The following CRMP1 variants were observed in gnomAD, a reference collection of about 807,000 sequenced individuals.
CRMP1 encodes dihydropyrimidinase-related protein 1.
In CRMP1, 19 loss-of-function variants were observed where a neutral mutation model predicts 68.3. The observed-to-expected ratio is 0.28, with a 90% confidence interval of 0.19 to 0.41. CRMP1 has a LOEUF of 0.41. Among genes scored for constraint, CRMP1 ranks in the 10% least tolerant of loss-of-function variants. The probability of loss-of-function intolerance (pLI) is 1.00; values close to 1 mark genes in which losing one functional copy is unlikely to be tolerated. For synonymous variants in CRMP1, 439 were observed against 399.6 expected (o/e 1.10, Z -1.18); for missense variants, 791 against 967.4 (o/e 0.82, Z 2.42).
At chr4:5,822,653 G>T (rs1718840257) in intron 13 of CRMP1, among the ~76,000 whole-genome samples, 2 of 152,120 alleles carry the variant, frequency 1.3e-5, no homozygotes, top group Admixed American at 1.3e-4. Flanking sequence ...AATCATGAAG[G>T]GTGGATAATG....
In CRMP1 at chr4:5,872,490, C is replaced by A. The variant is rs961657353; in HGVS notation, c.382-5734G>T. Among the ~76,000 whole-genome samples, 6 of 152,118 alleles carry A rather than the reference C, an allele frequency of 3.9e-5. No individual in the cohort carries two copies. The highest frequency in any genetic ancestry group is 1.4e-4 in the African/African-American group (6 of 41,414). ...TCACCTGAGGTTAGGAGTTTGAGAC[C>A]AGCCTGGCCAACATGGTGAAACCCC... On this transcript the variant is annotated intron_variant, in intron 1 of 13. Coordinates refer to ENST00000324989, the MANE Select transcript of CRMP1 (RefSeq NM_001014809.3). This position sits in a 1 kb window ranked among gnomAD's most constrained non-coding sequence, Gnocchi z 4.6.
chr4:5,839,240 T>C (rs1312432859), intron 9 of CRMP1, among the ~76,000 whole-genome samples: 1 of 152,208 alleles, frequency 6.6e-6, no homozygotes. Flanking sequence ...TCCTGAGTGC[T>C]TCCCGATACA....
rs1715098098 is a variant in CRMP1, at chr4:5,879,647, A to G, written c.382-12891T>C. ...CCAATACACTGAACACTGTCCTATG[A>G]AGTTTAACATTCTATGCCAAATGCT... On this transcript the variant is annotated intron_variant, in intron 1 of 13. Coordinates refer to ENST00000324989, the MANE Select transcript of CRMP1 (RefSeq NM_001014809.3). The surrounding 1 kb of genome is among the most constrained non-coding windows in gnomAD (Gnocchi z 4.2). 6.6e-6 allele frequency among the ~76,000 whole-genome samples: 1 copy of G among 152,192 alleles called. No homozygotes were observed. Among genetic ancestry groups the G allele is most frequent in the Non-Finnish European group, 1.5e-5 (1 of 68,042 alleles).
intron 1 of CRMP1, among the ~76,000 whole-genome samples, chr4:5,882,666 T>A (rs1715290473): frequency 6.6e-6 from 1 of 152,196 alleles, no homozygotes; most frequent in South Asian, 2.1e-4. Flanking sequence ...ACATAGCTAG[T>A]AAGTAAAACA....
chr4:5,824,722 G>A (rs1028423250), intron 13 of CRMP1: 6 of 984,030 alleles, frequency 6.1e-6, no homozygotes, highest in Non-Finnish European at 7.2e-6. Context: ...TTTACTATCC[G>A]GCCTTCTAAG....
rs187648168 is a variant in CRMP1, at chr4:5,881,677, G to C, written c.381+10912C>G. On this transcript the variant is annotated intron_variant, in intron 1 of 13. Transcript: ENST00000324989. This position sits in a 1 kb window ranked among gnomAD's most constrained non-coding sequence, Gnocchi z 4.6. ...GACTCTATTCAACATCTCTCTGCTT[G>C]TGAATACTCAGGGCTCCACCTGAGA... 1.5e-4 allele frequency among the ~76,000 whole-genome samples: 23 copies of C among 152,230 alleles called. 1 individual carries two copies. Among genetic ancestry groups the C allele is most frequent in the Admixed American group, 3.3e-4 (5 of 15,278 alleles).
intron 12 of CRMP1, among the ~76,000 whole-genome samples, chr4:5,827,738 C>CAG (rs1719906126): frequency 6.8e-6 from 1 of 146,054 alleles, no homozygotes; most frequent in African/African-American, 2.7e-5. Context: ...CGCGTGCACA[C>CAG]ACACACACAC....
In CRMP1 at chr4:5,825,921, C is replaced by T. The variant is rs1365300467; in HGVS notation, c.1804-262G>A. On this transcript the variant is annotated intron_variant, in intron 12 of 13. Transcript: ENST00000324989. The surrounding 1 kb of genome is among the most constrained non-coding windows in gnomAD (Gnocchi z 4.4). ...TACAGACGCACACACCACGCACACG[C>T]ACTCACATACATGCAGTCATGCACA... 2.0e-6 allele frequency: 1 copy of T among 493,606 alleles called. No homozygotes were observed. Among genetic ancestry groups the T allele is most frequent in the Non-Finnish European group, 3.5e-6 (1 of 283,334 alleles). 30.6% of individuals were successfully genotyped at this position (493,606 alleles called of 1,614,324 possible).
In CRMP1 at chr4:5,858,201, C is replaced by T. The variant is rs1395681695; in HGVS notation, c.656-1894G>A. Reference sequence around the variant, plus strand: ...TCCTTTGTCCTACTTCTTTGGCTGCCGCTTCTCAATCATCCTGAGGACTCC... The same window carrying T: ...TCCTTTGTCCTACTTCTTTGGCTGCTGCTTCTCAATCATCCTGAGGACTCC... On this transcript the variant is annotated intron_variant, in intron 3 of 13. Coordinates refer to ENST00000324989, the MANE Select transcript of CRMP1 (RefSeq NM_001014809.3). The surrounding 1 kb of genome is among the most constrained non-coding windows in gnomAD (Gnocchi z 5.5). 2.0e-5 allele frequency among the ~76,000 whole-genome samples: 3 copies of T among 152,090 alleles called. No homozygotes were observed. The highest frequency in any genetic ancestry group is 4.4e-5 in the Non-Finnish European group (3 of 68,014).
rs1213110589 is a variant in CRMP1, at chr4:5,869,698, A to G, written c.382-2942T>C. Among the ~76,000 whole-genome samples, 40 of 151,466 alleles carry G rather than the reference A, an allele frequency of 2.6e-4. 1 individual carries two copies. Among genetic ancestry groups the G allele is most frequent in the Non-Finnish European group, 5.0e-4 (34 of 67,844 alleles). On this transcript the variant is annotated intron_variant, in intron 1 of 13. Transcript: ENST00000324989. The stretch of plus-strand genomic sequence containing the variant: ...GACTCCGTCAAAAAAAAAAAAAAAA[A>G]AAAGAAAAAGAAAAGAAGTAAACTG...
Position 5,828,687 on chromosome 4 carries a change from T to G in CRMP1, c.1624-19A>C, listed in dbSNP as rs6818391. ...CCACCGCCTGCACCAACAGCCTCAG[T>G]GTTACTTCCCAGGATTTGCTCTGCC... On this transcript the variant is annotated intron_variant, in intron 11 of 13. Coordinates refer to ENST00000324989, the MANE Select transcript of CRMP1 (RefSeq NM_001014809.3). 6.2e-7 allele frequency: 1 copy of G among 1,610,788 alleles called. No individual in the cohort carries two copies. Among genetic ancestry groups the G allele is most frequent in the African/African-American group, 1.3e-5 (1 of 74,908 alleles).
At chr4:5,844,477 G>A (rs1712034838) in intron 6 of CRMP1, among the ~76,000 whole-genome samples, 1 of 152,116 alleles carries the variant, frequency 6.6e-6, no homozygotes, top group African/African-American at 2.4e-5. Flanking sequence ...AAAGACGAGA[G>A]TAGGATTTCT....
chr4:5,888,357 T>A lies in CRMP1; in HGVS notation c.381+4232A>T. ...TCGGCCCCGCTCCCAGCGGGCGCGCTGACAAAGGCCCGGGAGGGATAGAGA... is the reference window on the plus strand; with the variant it reads ...TCGGCCCCGCTCCCAGCGGGCGCGCAGACAAAGGCCCGGGAGGGATAGAGA... On this transcript the variant is annotated intron_variant, in intron 1 of 13. Coordinates refer to ENST00000324989, the MANE Select transcript of CRMP1 (RefSeq NM_001014809.3). The surrounding 1 kb of genome is among the most constrained non-coding windows in gnomAD (Gnocchi z 6.4). 8.1e-7 allele frequency: 1 copy of A among 1,230,742 alleles called. No homozygotes were observed. The highest frequency in any genetic ancestry group is 1.0e-6 in the Non-Finnish European group (1 of 983,896). 76.2% of individuals were successfully genotyped at this position (1,230,742 alleles called of 1,614,324 possible). A position where few individuals can be genotyped will look rare whatever the true frequency, so the allele number is the denominator to read the frequency against.
intron 1 of CRMP1, among the ~76,000 whole-genome samples, chr4:5,873,288 C>A (rs1714588664): frequency 6.6e-6 from 1 of 152,132 alleles, no homozygotes; most frequent in African/African-American, 2.4e-5. Flanking sequence ...AGGTATTAGC[C>A]ACACAGCAAA....
Position 5,889,519 on chromosome 4 carries a change from G to A in CRMP1, c.381+3070C>T. ...TCACAGCTTGACAAGGTCCGTAACA[G>A]CAGAGGGGAAAAGATGAAAGAAGAT... On this transcript the variant is annotated intron_variant, in intron 1 of 13. Coordinates refer to ENST00000324989, the MANE Select transcript of CRMP1 (RefSeq NM_001014809.3). The surrounding 1 kb of genome is among the most constrained non-coding windows in gnomAD (Gnocchi z 4.5). 1 of 1,512,254 alleles carries A rather than the reference G, an allele frequency of 6.6e-7. No homozygotes were observed. The allele number at this position is 1,512,254 out of a possible 1,614,324, so 93.7% of individuals were successfully genotyped here.
Position 5,872,118 on chromosome 4 carries a change from T to G in CRMP1, c.382-5362A>C, listed in dbSNP as rs1213548998. Among the ~76,000 whole-genome samples the G allele has an allele frequency of 6.6e-6, 1 of 152,036 alleles. No homozygotes were observed. Among genetic ancestry groups the G allele is most frequent in the Non-Finnish European group, 1.5e-5 (1 of 67,996 alleles). On this transcript the variant is annotated intron_variant, in intron 1 of 13. Transcript: ENST00000324989. The surrounding 1 kb of genome is among the most constrained non-coding windows in gnomAD (Gnocchi z 4.6). ...AAACTCTAGAATCCATGACACCTCA[T>G]AAGAAGATAGAACTTAGAACCCTCC...
chr4:5,848,022 A>G (rs994910890), intron 6 of CRMP1, among the ~76,000 whole-genome samples: 2 of 151,470 alleles, frequency 1.3e-5, no homozygotes, highest in African/African-American at 2.4e-5. Flanking sequence ...CCTCCACCCA[A>G]TCCGTCCATG....
chr4:5,878,795 A>G (rs1454329930), intron 1 of CRMP1, among the ~76,000 whole-genome samples: 1 of 151,744 alleles, frequency 6.6e-6, no homozygotes, highest in Non-Finnish European at 1.5e-5. Context: ...CACTTCGCAC[A>G]GTGCCTTATT....
Position 5,866,563 on chromosome 4 carries a change from A to G in CRMP1, c.470+105T>C. 3.8e-6 allele frequency: 3 copies of G among 798,202 alleles called. No homozygotes were observed. The highest frequency in any genetic ancestry group is 6.2e-6 in the Non-Finnish European group (3 of 484,628). 49.4% of individuals were successfully genotyped at this position (798,202 alleles called of 1,614,324 possible). A position where few individuals can be genotyped will look rare whatever the true frequency, so the allele number is the denominator to read the frequency against. On this transcript the variant is annotated intron_variant, in intron 2 of 13. Transcript: ENST00000324989. The surrounding 1 kb of genome is among the most constrained non-coding windows in gnomAD (Gnocchi z 5.9). ...AGGTCTCTACCCCTGAAACACAGGTACACAGCCCCGTCATTCTAGGACAGA... is the reference window on the plus strand; with the variant it reads ...AGGTCTCTACCCCTGAAACACAGGTGCACAGCCCCGTCATTCTAGGACAGA...
Sources: allele counts gnomAD v4.1 joint callset (sites outside exome capture counted in the v4.1 genomes callset), GRCh38; gene constraint gnomAD v4.1.1; non-coding constraint Gnocchi (gnomAD v3.1); transcripts MANE v1.5; gene names NCBI Gene and HGNC (gene_info 2026-07-23, HGNC 2026-07-21).